MAST4: variants seen among roughly 807,000 people sequenced by gnomAD.
The protein encoded by MAST4 is microtubule associated serine/threonine kinase family member 4, also known as microtubule-associated serine/threonine-protein kinase 4.
In MAST4, 89 loss-of-function variants were observed where a neutral mutation model predicts 162.7. The ratio of observed to expected loss-of-function variants is 0.55; its 90% CI spans 0.46 to 0.65. MAST4 has a LOEUF of 0.65. Ranked by LOEUF, MAST4 falls within the 30% of genes least tolerant of loss-of-function variation. The probability of loss-of-function intolerance (pLI) is 0.00; values close to 1 mark genes in which losing one functional copy is unlikely to be tolerated. For synonymous variants in MAST4, 1,479 were observed against 1,361.1 expected, an observed-to-expected ratio of 1.09 and a Z score of -1.91; for missense variants, 3,153 against 3,374.0, an observed-to-expected ratio of 0.93 and a Z score of 1.62.
chr5:67,059,954 A>AT (rs1759345163), intron 5 of MAST4, among the ~76,000 whole-genome samples: 1 of 152,144 alleles, frequency 6.6e-6, no homozygotes, highest in East Asian at 1.9e-4. Flanking sequence ...AAAATGAATC[A>AT]CGTGAACATT....
At chr5:67,161,688 GT>G (rs1270609078) in intron 27 of MAST4, among the ~76,000 whole-genome samples, 1 of 152,128 alleles carries the variant, frequency 6.6e-6, no homozygotes, top group African/African-American at 2.4e-5. Context: ...AGGAGTTGCT[GT>G]TTTTCATTGT....
intron 2 of MAST4, among the ~76,000 whole-genome samples, chr5:66,762,071 A>G (rs1229692330): frequency 6.6e-6 from 1 of 152,238 alleles, no homozygotes; most frequent in Non-Finnish European, 1.5e-5. Context: ...TTGATCAGAT[A>G]TATGATCTCA....
intron 3 of MAST4, among the ~76,000 whole-genome samples, chr5:66,791,480 C>A (rs1246155761): frequency 6.6e-6 from 1 of 152,158 alleles, no homozygotes; most frequent in Non-Finnish European, 1.5e-5. Context: ...AAGAGTACCT[C>A]CCAAAATCTA....
chr5:67,009,740 G>T (rs916124467), intron 4 of MAST4, among the ~76,000 whole-genome samples: 4 of 152,270 alleles, frequency 2.6e-5, no homozygotes, highest in Middle Eastern at 3.4e-3. Flanking sequence ...GAGGGAGTTT[G>T]GTTTTGATCC....
chr5:66,725,231 CTAATTG>C (rs1751438897), intron 1 of MAST4, among the ~76,000 whole-genome samples: 1 of 151,682 alleles, frequency 6.6e-6, no homozygotes, highest in Admixed American at 6.6e-5. Context: ...TGCTTTTTTT[CTAATTG>C]TAAGTATTGT....
At chr5:66,885,586 G>C (rs1038832355) in intron 3 of MAST4, among the ~76,000 whole-genome samples, 17 of 152,190 alleles carry the variant, frequency 1.1e-4, no homozygotes, top group African/African-American at 3.9e-4. Context: ...TTTTCATTAA[G>C]AAATGGACTT....
intron 1 of MAST4, among the ~76,000 whole-genome samples, chr5:66,664,229 A>G (rs1747093802): frequency 6.6e-6 from 1 of 152,042 alleles, no homozygotes; most frequent in Admixed American, 6.6e-5. Flanking sequence ...TGAGGTCAGG[A>G]GTTCAAGACC....
At chr5:66,958,983 C>G (rs1745655482) in intron 4 of MAST4, 3 of 397,952 alleles carry the variant, frequency 7.5e-6, no homozygotes, top group Non-Finnish European at 1.4e-5. Flanking sequence ...AATCAGAAAC[C>G]AATTACTTGA....
chr5:66,972,973 C>T (rs538768216), intron 4 of MAST4, among the ~76,000 whole-genome samples: 1 of 152,156 alleles, frequency 6.6e-6, no homozygotes, highest in South Asian at 2.1e-4. Flanking sequence ...AAATCCCAAA[C>T]CTGTTTTTAA....
At chr5:66,799,298 C>T (rs1272873234) in intron 3 of MAST4, among the ~76,000 whole-genome samples, 1 of 152,144 alleles carries the variant, frequency 6.6e-6, no homozygotes, top group Non-Finnish European at 1.5e-5. Context: ...CTTTACCCAC[C>T]CTCACCCCAA....
intron 1 of MAST4, among the ~76,000 whole-genome samples, chr5:66,671,836 T>C (rs976804683): frequency 1.3e-5 from 2 of 152,296 alleles, no homozygotes; most frequent in Admixed American, 1.3e-4. Context: ...ATTCACTCAC[T>C]CTTTAAAGAG....
At chr5:66,929,182 C>T (rs1476595733) in intron 4 of MAST4, among the ~76,000 whole-genome samples, 1 of 152,152 alleles carries the variant, frequency 6.6e-6, no homozygotes, top group African/African-American at 2.4e-5. Flanking sequence ...GTGTAATTAT[C>T]AGTCTGAGGC....
At chr5:67,088,801 A>G (rs539934634) in intron 5 of MAST4, among the ~76,000 whole-genome samples, 1 of 152,316 alleles carries the variant, frequency 6.6e-6, no homozygotes, top group South Asian at 2.1e-4. Context: ...TTCCCAGTTA[A>G]ATGGCTGTGA....
intron 4 of MAST4, among the ~76,000 whole-genome samples, chr5:67,019,120 A>G (rs1290824862): frequency 1.3e-5 from 2 of 152,208 alleles, no homozygotes; most frequent in South Asian, 2.1e-4. Context: ...CCAACTTTGC[A>G]ATGGTAAGAT....
chr5:66,758,164 C>T (rs926239834), intron 1 of MAST4, among the ~76,000 whole-genome samples: 1 of 151,664 alleles, frequency 6.6e-6, no homozygotes, highest in Non-Finnish European at 1.5e-5. Context: ...GGGCCTCTCA[C>T]TAAAATACTG....
chr5:67,134,970 G>T (rs75530951), intron 18 of MAST4, among the ~76,000 whole-genome samples: 1,563 of 152,236 alleles, frequency 0.01, 27 homozygotes, highest in African/African-American at 0.034. Flanking sequence ...AAGGAAATTG[G>T]TGTGGGATTT....
At chr5:66,834,033 C>A (rs1757788011) in intron 3 of MAST4, among the ~76,000 whole-genome samples, 1 of 152,180 alleles carries the variant, frequency 6.6e-6, no homozygotes, top group Non-Finnish European at 1.5e-5. Flanking sequence ...GCACATTGTA[C>A]TTAGTTAATC....
chr5:66,942,495 A>G (rs1743473985), intron 4 of MAST4, among the ~76,000 whole-genome samples: 1 of 152,090 alleles, frequency 6.6e-6, no homozygotes, highest in Admixed American at 6.6e-5. Flanking sequence ...TAATATAACC[A>G]TTGTCTGACT....
intron 2 of MAST4, among the ~76,000 whole-genome samples, chr5:66,760,652 C>T (rs1753805344): frequency 6.6e-6 from 1 of 152,164 alleles, no homozygotes. Flanking sequence ...GTATCTACTC[C>T]TTTGGTCTGG....
Sources: gnomAD v4.1 joint callset for allele counts (sites outside exome capture counted in the v4.1 genomes callset) on GRCh38, gnomAD v4.1.1 for gene constraint, MANE v1.5 for transcripts, NCBI Gene and HGNC (gene_info 2026-07-23, HGNC 2026-07-21) for gene names.